ATE1: variants seen among roughly 807,000 people sequenced by gnomAD.
ATE1 encodes arginyltransferase 1.
ATE1 carries 36 observed loss-of-function variants against 70.5 expected under a neutral mutation model. The observed-to-expected ratio is 0.51, with a 90% CI of 0.39 to 0.67. The LOEUF is 0.67. Ranked by LOEUF, ATE1 falls within the 30% of genes least tolerant of loss-of-function variation. The probability of loss-of-function intolerance (pLI) is 0.00; values close to 1 mark genes in which losing one functional copy is unlikely to be tolerated. For missense variants in ATE1, 593 were observed against 629.5 expected (o/e 0.94, Z 0.62); for synonymous variants, 232 against 219.3 (o/e 1.06, Z -0.51).
At chr10:121,922,248 C>T (rs1951910249) in intron 3 of ATE1, 101 bp downstream of exon 3, 1 of 787,886 alleles carries the variant, frequency 1.3e-6, no homozygotes, top group Admixed American at 2.6e-5. Flanking sequence ...AGGACATCTA[C>T]CTAGAGCGGA....
chr10:121,783,629 G>GGTAT (rs1946088353), intron 11 of ATE1, among the ~76,000 whole-genome samples: 1 of 151,760 alleles, frequency 6.6e-6, no homozygotes, highest in South Asian at 2.1e-4. Flanking sequence ...TTAAATAGCT[G>GGTAT]GTATGGGCTT....
intron 3 of ATE1, among the ~76,000 whole-genome samples, chr10:121,920,850 C>T (rs573679300): frequency 1.3e-3 from 197 of 151,884 alleles, no homozygotes; most frequent in African/African-American, 4.5e-3. Flanking sequence ...AAAAATTAGC[C>T]GGGCGTGGTG....
intron 11 of ATE1, among the ~76,000 whole-genome samples, chr10:121,752,783 T>C (rs1037917731): frequency 1.3e-5 from 2 of 152,180 alleles, no homozygotes; most frequent in Non-Finnish European, 2.9e-5. Context: ...CAGGACCACA[T>C]AGTGTTAACT....
At chr10:121,857,668 T>C (rs1460362750) in intron 8 of ATE1, among the ~76,000 whole-genome samples, 4 of 152,242 alleles carry the variant, frequency 2.6e-5, no homozygotes, top group Non-Finnish European at 4.4e-5. Flanking sequence ...ATCATAGCTC[T>C]ATTCACAACG....
chr10:121,915,134 CA>C (rs1289796595), intron 3 of ATE1, among the ~76,000 whole-genome samples: 8 of 152,118 alleles, frequency 5.3e-5, no homozygotes, highest in Admixed American at 5.2e-4. Flanking sequence ...TAGACCATGA[CA>C]GAAAGAAGAG....
chr10:121,817,538 CA>C (rs10625101), intron 10 of ATE1, among the ~76,000 whole-genome samples: 2,181 of 143,212 alleles, frequency 0.015, 42 homozygotes, highest in African/African-American at 0.052. Context: ...GACTCTGTCT[CA>C]AAAAAAAAAA....
At position 121,863,306 on chromosome 10, in the gene ATE1, T is replaced by C. The variant is rs1358462979; in HGVS notation, c.975+6700A>G. 9.5e-5 allele frequency among the ~76,000 whole-genome samples: 14 copies of C among 146,914 alleles called. No individual in the cohort carries two copies. In the East Asian group the frequency reaches 2.0e-3, roughly 21 times the overall value. ...TCTCTTTCTGTCACCCAGGCTGGAG[T>C]GCAGTGGCACGATCTTGGCTCACTG... is the stretch of plus-strand genomic sequence containing the variant. On this transcript the variant is annotated intron_variant, in intron 8 of 11. Transcript: ENST00000224652.
At chr10:121,777,640 C>T (rs1365618537) in intron 11 of ATE1, among the ~76,000 whole-genome samples, 1 of 152,146 alleles carries the variant, frequency 6.6e-6, no homozygotes, top group Non-Finnish European at 1.5e-5. Flanking sequence ...ATCCTGCAAC[C>T]TTGCTAAAAT....
intron 8 of ATE1, among the ~76,000 whole-genome samples, chr10:121,846,919 A>C (rs1239899056): frequency 6.6e-6 from 1 of 152,162 alleles, no homozygotes; most frequent in Admixed American, 6.5e-5. Flanking sequence ...AAGAAGCACT[A>C]ACCAAAAGAA....
chr10:121,928,342 C>G, upstream of ATE1: 2 of 1,522,582 alleles, frequency 1.3e-6, no homozygotes, highest in Non-Finnish European at 1.8e-6. Context: ...GTCGGGAACA[C>G]TCACCGCAGG....
At chr10:121,926,872 T>A (rs2134670799) in intron 1 of ATE1, 2 of 984,908 alleles carry the variant, frequency 2.0e-6, no homozygotes, top group East Asian at 2.3e-4. Context: ...TTCATAATCC[T>A]CACTTCTAAC....
intron 3 of ATE1, among the ~76,000 whole-genome samples, chr10:121,915,300 G>A (rs1564961849): frequency 6.6e-6 from 1 of 151,884 alleles, no homozygotes; most frequent in African/African-American, 2.4e-5. Context: ...TTAAGTAGAA[G>A]ACCTGAAAAC....
intron 10 of ATE1, among the ~76,000 whole-genome samples, chr10:121,793,426 T>C (rs1247138323): frequency 2.6e-5 from 4 of 152,188 alleles, no homozygotes; most frequent in Non-Finnish European, 5.9e-5. Flanking sequence ...GGGTTTTAAC[T>C]TTTATAGTGT....
chr10:121,839,168 G>C (rs1948538610), intron 9 of ATE1, among the ~76,000 whole-genome samples: 7 of 152,122 alleles, frequency 4.6e-5, no homozygotes, highest in Admixed American at 4.6e-4. Flanking sequence ...AACCTTTCAT[G>C]ACCTCAGGCT....
At chr10:121,865,762 G>A (rs1034686505) in intron 8 of ATE1, among the ~76,000 whole-genome samples, 18 of 152,124 alleles carry the variant, frequency 1.2e-4, no homozygotes, top group African/African-American at 3.6e-4. Context: ...GAATGTAAAA[G>A]GGTCAGCCCC....
intron 7 of ATE1, among the ~76,000 whole-genome samples, chr10:121,875,061 C>T: frequency 6.8e-6 from 1 of 146,816 alleles, no homozygotes; most frequent in Non-Finnish European, 1.5e-5. Context: ...ATGGCGTGAA[C>T]CCAGGAGACG....
chr10:121,800,573 G>A (rs1464316458), intron 10 of ATE1, among the ~76,000 whole-genome samples: 1 of 152,118 alleles, frequency 6.6e-6, no homozygotes, highest in Non-Finnish European at 1.5e-5. Flanking sequence ...TATTTTGAAA[G>A]TTCAAGTTAA....
intron 8 of ATE1, among the ~76,000 whole-genome samples, chr10:121,844,780 C>T (rs528874301): frequency 7.2e-5 from 11 of 152,108 alleles, no homozygotes; most frequent in East Asian, 3.9e-4. Context: ...GACACACACA[C>T]GAGAAACTTT....
chr10:121,912,631 G>A (rs113230884), intron 4 of ATE1, among the ~76,000 whole-genome samples: 14 of 151,734 alleles, frequency 9.2e-5, no homozygotes, highest in African/African-American at 3.4e-4. Context: ...CAGCCCGGGC[G>A]ACAGAGCAAG....
Sources: allele counts gnomAD v4.1 joint callset (sites outside exome capture counted in the v4.1 genomes callset), GRCh38; gene constraint gnomAD v4.1.1; transcripts MANE v1.5; gene names NCBI Gene and HGNC (gene_info 2026-07-23, HGNC 2026-07-21).